The following GRIK5 variants were observed in gnomAD, a reference collection of about 807,000 sequenced individuals.
The protein encoded by GRIK5 is glutamate receptor ionotropic, kainate 5.
Under a neutral mutation model 97.4 loss-of-function variants are expected in GRIK5, and 43 were observed. That is an observed-to-expected ratio of 0.44 (90% CI 0.35 to 0.57). GRIK5 has a LOEUF of 0.57. Ranked by LOEUF, GRIK5 falls within the 20% of genes least tolerant of loss-of-function variation. The pLI is 0.01. For synonymous variants in GRIK5, 580 were observed against 583.5 expected (o/e 0.99, Z 0.09); for missense variants, 1,015 against 1,382.0 (o/e 0.73, Z 4.21).
Position 42,022,487 on chromosome 19 carries a change from C to T in GRIK5, c.1474-133G>A. The T allele has an allele frequency of 6.8e-7, 1 of 1,478,152 alleles. No individual in the cohort carries two copies. The highest frequency in any genetic ancestry group is 1.4e-5 in the South Asian group (1 of 73,574). 91.6% of individuals were successfully genotyped at this position (1,478,152 alleles called of 1,614,324 possible). ...GAGAGAGGTAGGGAGGGGGAGGGGC[C>T]AGGAGCATGGACTGACTCCAGGAGC... On this transcript the variant is annotated intron_variant, in intron 12 of 19. Coordinates refer to ENST00000593562, the MANE Select transcript of GRIK5 (RefSeq NM_002088.5). The surrounding 1 kb of genome is among the most constrained non-coding windows in gnomAD (Gnocchi z 4.2).
chr19:42,059,329 A>T lies in GRIK5; in HGVS notation c.687+20T>A. Reference sequence around the variant, plus strand: ...GTTTCTGGCCCCAGTCCTTTGGGAAATCAGAGGTAGGGGCCTCACCTTACG... The same window carrying T: ...GTTTCTGGCCCCAGTCCTTTGGGAATTCAGAGGTAGGGGCCTCACCTTACG... On this transcript the variant is annotated intron_variant, in intron 6 of 19. Coordinates refer to ENST00000593562, the MANE Select transcript of GRIK5 (RefSeq NM_002088.5). The T allele has an allele frequency of 1.3e-6, 2 of 1,591,286 alleles. No homozygotes were observed. Among genetic ancestry groups the T allele is most frequent in the Non-Finnish European group, 8.6e-7 (1 of 1,161,364 alleles).
chr19:42,022,923 G>T lies in GRIK5; in HGVS notation c.1474-569C>A, dbSNP rs1420029172. Among the ~76,000 whole-genome samples the T allele has an allele frequency of 6.6e-6, 1 of 152,052 alleles. No homozygotes were observed. Among genetic ancestry groups the T allele is most frequent in the Non-Finnish European group, 1.5e-5 (1 of 68,026 alleles). ...GCATCCTGGTCAGGAGACGACACTG[G>T]TACCAAAGCACAACCCTGGATGAAG... On this transcript the variant is annotated intron_variant, in intron 12 of 19. Transcript: ENST00000593562. This position sits in a 1 kb window ranked among gnomAD's most constrained non-coding sequence, Gnocchi z 4.2.
chr19:42,054,010 C>T, intron 9 of GRIK5, 81 bp from the exon 10 acceptor site: 1 of 932,130 alleles, frequency 1.1e-6, no homozygotes. Context: ...GGTGAGACAT[C>T]CACAGAGAAA....
Position 42,003,516 on chromosome 19 carries a change from G to A in GRIK5, c.2392+39C>T. 2 of 1,604,504 alleles carry A rather than the reference G, an allele frequency of 1.2e-6. No individual in the cohort carries two copies. The highest frequency in any genetic ancestry group is 1.1e-5 in the South Asian group (1 of 90,054). On this transcript the variant is annotated intron_variant, in intron 18 of 19. Coordinates refer to ENST00000593562, the MANE Select transcript of GRIK5 (RefSeq NM_002088.5). The surrounding 1 kb of genome is among the most constrained non-coding windows in gnomAD (Gnocchi z 4.2). ...GGGCTGTGTGGGAAGGGGGCTGGGA[G>A]GGGGCTATGGGAAGGGGACACCATA... is the stretch of plus-strand genomic sequence containing the variant.
At chr19:42,039,071 A>T (rs1176816489) in intron 12 of GRIK5, among the ~76,000 whole-genome samples, 1 of 152,000 alleles carries the variant, frequency 6.6e-6, no homozygotes, top group Non-Finnish European at 1.5e-5. Context: ...TCTAGCTCTG[A>T]CGTTCTCCCG....
chr19:42,018,039 C>A (rs965172738), intron 15 of GRIK5, among the ~76,000 whole-genome samples: 1 of 149,552 alleles, frequency 6.7e-6, no homozygotes, highest in Non-Finnish European at 1.5e-5. Context: ...CCCGGCTGGG[C>A]GTGGTGGCTC....
intron 3 of GRIK5, chr19:42,063,306 CCT>C (rs1568932341): frequency 4.4e-6 from 2 of 457,720 alleles, no homozygotes; most frequent in Admixed American, 2.3e-5. Flanking sequence ...CTTACTTCCT[CCT>C]CTTTCTTCTG....
chr19:42,039,340 G>T (rs1197778474), intron 12 of GRIK5, among the ~76,000 whole-genome samples: 1 of 151,248 alleles, frequency 6.6e-6, no homozygotes, highest in Non-Finnish European at 1.5e-5. Context: ...AGGTGTGGTG[G>T]CATGCGCCTG....
intron 12 of GRIK5, among the ~76,000 whole-genome samples, chr19:42,031,905 G>A (rs1599788410): frequency 6.6e-6 from 1 of 151,982 alleles, no homozygotes; most frequent in African/African-American, 2.4e-5. Flanking sequence ...GGCCAAAATG[G>A]GTGAACCACT....
chr19:42,007,707 G>A (rs2075509735), intron 15 of GRIK5, among the ~76,000 whole-genome samples: 1 of 152,120 alleles, frequency 6.6e-6, no homozygotes, highest in Non-Finnish European at 1.5e-5. Flanking sequence ...GAAACTCTGT[G>A]GGGCTGGACA....
chr19:42,063,996 C>T (rs993202529), intron 3 of GRIK5, among the ~76,000 whole-genome samples: 3 of 152,224 alleles, frequency 2.0e-5, no homozygotes, highest in African/African-American at 4.8e-5. Flanking sequence ...TTCACACAGA[C>T]CAGATGCCTG....
At chr19:42,005,430 C>T (rs1002809437) in intron 17 of GRIK5, among the ~76,000 whole-genome samples, 1 of 152,110 alleles carries the variant, frequency 6.6e-6, no homozygotes, top group Non-Finnish European at 1.5e-5. Flanking sequence ...CCCACAGGGC[C>T]CTTGGGGGAA....
intron 11 of GRIK5, among the ~76,000 whole-genome samples, chr19:42,051,064 C>A (rs2076109401): frequency 6.6e-6 from 1 of 152,194 alleles, no homozygotes; most frequent in African/African-American, 2.4e-5. Context: ...GTCCCTCTGT[C>A]CGCAGCAGAG....
intron 12 of GRIK5, among the ~76,000 whole-genome samples, chr19:42,035,644 A>T (rs868575068): frequency 6.6e-6 from 1 of 152,302 alleles, no homozygotes; most frequent in South Asian, 2.1e-4. Context: ...TGGGAGGTGG[A>T]GGTTGCAGTG....
intron 15 of GRIK5, among the ~76,000 whole-genome samples, chr19:42,008,421 G>A (rs949840206): frequency 2.3e-4 from 35 of 151,982 alleles, no homozygotes; most frequent in African/African-American, 8.2e-4. Flanking sequence ...GAGGCCAGGA[G>A]TTCAAGGACA....
chr19:42,067,292 T>C (rs900014572), intron 1 of GRIK5, among the ~76,000 whole-genome samples: 4 of 152,196 alleles, frequency 2.6e-5, no homozygotes, highest in African/African-American at 9.7e-5. Context: ...CCATCTCAAG[T>C]GGCCTGCAAA....
chr19:42,035,796 A>C (rs566400683), intron 12 of GRIK5, among the ~76,000 whole-genome samples: 124 of 152,320 alleles, frequency 8.1e-4, no homozygotes, highest in African/African-American at 2.9e-3. Flanking sequence ...AGGTGTAAGA[A>C]CATCATGTAT....
At chr19:42,053,551 G>A in intron 11 of GRIK5, 51 bp downstream of exon 11, 3 of 1,090,616 alleles carry the variant, frequency 2.8e-6, no homozygotes, top group Non-Finnish European at 4.3e-6. Context: ...TGGGAGCTAG[G>A]ACTGGGCTCA....
At chr19:42,017,456 C>T (rs2075638442) in intron 15 of GRIK5, among the ~76,000 whole-genome samples, 1 of 152,108 alleles carries the variant, frequency 6.6e-6, no homozygotes. Context: ...TGAATTTCAG[C>T]TCAGTGTGGA....
Sources: gnomAD v4.1 joint callset for allele counts (sites outside exome capture counted in the v4.1 genomes callset) on GRCh38, gnomAD v4.1.1 for gene constraint, Gnocchi (gnomAD v3.1) non-coding constraint, MANE v1.5 for transcripts, NCBI Gene and HGNC (gene_info 2026-07-23, HGNC 2026-07-21) for gene names.